The following COG4 variants were observed in gnomAD, a reference collection of about 807,000 sequenced individuals.
The protein encoded by COG4 is component of oligomeric golgi complex 4, also known as conserved oligomeric Golgi complex subunit 4.
COG4 carries 65 observed loss-of-function variants against 95.1 expected under a neutral mutation model. The observed-to-expected ratio is 0.68, with a 90% CI of 0.56 to 0.84. The LOEUF (loss-of-function observed/expected upper bound fraction) is 0.84. Among genes scored for constraint, COG4 ranks in the 40% least tolerant of loss-of-function variants. The pLI is 0.00. For synonymous variants in COG4, 421 were observed against 374.8 expected (o/e 1.12, Z -1.42); for missense variants, 1,045 against 989.1 (o/e 1.06, Z -0.76).
chr16:70,503,509 T>C (rs1369202785), intron 8 of COG4, among the ~76,000 whole-genome samples: 1 of 152,216 alleles, frequency 6.6e-6, no homozygotes, highest in Admixed American at 6.5e-5. Flanking sequence ...ACTGGCCTTC[T>C]TTCAGTTTTT....
rs1335075589 is a variant in COG4, at chr16:70,481,361, G to A, written c.2233C>T (p.Arg745Trp). ...TGGGCCAAGGGTGCCCCACCTACCC[G>A]CTCCAGATTGAGGATGGTGGCCATC... ...SQMATILNLE[R>W]VTEILDYWGP... Residue 745 changes from arginine (R) to tryptophan (W), a missense_variant and splice_region_variant, in exon 18 of 19, where the codon CGG becomes TGG. Transcript: ENST00000323786. The A allele has an allele frequency of 5.0e-6, 8 of 1,612,576 alleles. No homozygotes were observed. The highest frequency in any genetic ancestry group is 4.5e-5 in the East Asian group (2 of 44,862).
At position 70,481,448 on chromosome 16, in the gene COG4, T is replaced by C. The variant is rs886052257; in HGVS notation, c.2146A>G (p.Ile716Val). 7 of 1,613,036 alleles carry C rather than the reference T, an allele frequency of 4.3e-6. No homozygotes were observed. Among genetic ancestry groups the C allele is most frequent in the Non-Finnish European group, 5.9e-6 (7 of 1,179,958 alleles). ...GTGGTCACCGTGGTAAGGTAGGCAATGAGCGACCTCAGCTCCTTGTCAAAC... is the reference window on the plus strand; with the variant it reads ...GTGGTCACCGTGGTAAGGTAGGCAACGAGCGACCTCAGCTCCTTGTCAAAC... ...LQFDKELRSLIAYLTTVTTWT... is the reference protein window; with the variant it reads ...LQFDKELRSLVAYLTTVTTWT... Residue 716 changes from isoleucine (I) to valine (V), a missense_variant, in exon 18 of 19, where the codon ATT (isoleucine) becomes GTT (valine). By Grantham distance (29) the Ile-to-Val change is conservative. Coordinates refer to ENST00000323786, the MANE Select transcript of COG4 (RefSeq NM_015386.3).
At chr16:70,507,823 C>T (rs946368188) in intron 8 of COG4, among the ~76,000 whole-genome samples, 1 of 150,204 alleles carries the variant, frequency 6.7e-6, no homozygotes, top group Non-Finnish European at 1.5e-5. Flanking sequence ...GATAATGCTA[C>T]TGCACTCCAG....
chr16:70,481,649 C>T, intron 17 of COG4, 115 bp downstream of exon 17: 2 of 1,342,642 alleles, frequency 1.5e-6, no homozygotes, highest in Non-Finnish European at 2.1e-6. Flanking sequence ...TGGACCCAGA[C>T]ATGCAGGGCC....
chr16:70,498,807 GATTA>G (rs1290306381), intron 9 of COG4, among the ~76,000 whole-genome samples: 2 of 152,210 alleles, frequency 1.3e-5, no homozygotes, highest in South Asian at 2.1e-4. Context: ...ATTCCCTTAG[GATTA>G]ATTAATAGGA....
chr16:70,489,353 G>C (rs1449902680), intron 13 of COG4, among the ~76,000 whole-genome samples: 1 of 151,524 alleles, frequency 6.6e-6, no homozygotes, highest in Non-Finnish European at 1.5e-5. Context: ...GAGTAGCTGG[G>C]ATTACAGGCG....
At chr16:70,511,056 C>A (rs909134116) in intron 5 of COG4, among the ~76,000 whole-genome samples, 20 of 152,150 alleles carry the variant, frequency 1.3e-4, no homozygotes, top group Admixed American at 1.3e-3. Flanking sequence ...TGAGTCACCG[C>A]GCCTGGCCTG....
intron 5 of COG4, 24 bp from the exon 6 acceptor site, chr16:70,510,045 A>G: frequency 6.3e-7 from 1 of 1,587,284 alleles, no homozygotes. Flanking sequence ...AAACCCACAC[A>G]CATTCCTCAG....
At chr16:70,520,556 C>T (rs1241476963) in intron 1 of COG4, among the ~76,000 whole-genome samples, 10 of 151,270 alleles carry the variant, frequency 6.6e-5, no homozygotes, top group South Asian at 2.1e-4. Context: ...CACTTGAACC[C>T]GGGAAGTGGA....
At chr16:70,509,545 T>C (rs1253852470) in intron 6 of COG4, among the ~76,000 whole-genome samples, 157 bp from the exon 7 acceptor site, 3 of 152,222 alleles carry the variant, frequency 2.0e-5, no homozygotes, top group African/African-American at 7.2e-5. Context: ...TAGGGGTTGC[T>C]AGGCAAATAT....
rs748655661 is a variant in COG4 at position 70,482,735 on chromosome 16, G to A, written c.1914C>T (p.Ile638=). ...INSFFSVSHN[I]EEEEFNDYEA... ...TGCCTGTGGCCAGGCTAACCTCCTCGATGTTGTGGGAGACGGAGAAAAAGC... is the reference window on the plus strand; with the variant it reads ...TGCCTGTGGCCAGGCTAACCTCCTCAATGTTGTGGGAGACGGAGAAAAAGC... The change falls in exon 15 of 19, where the codon ATC becomes ATT. Residue 638 remains isoleucine, a synonymous_variant. Coordinates refer to ENST00000323786, the MANE Select transcript of COG4 (RefSeq NM_015386.3). The A allele has an allele frequency of 3.9e-5, 63 of 1,613,464 alleles. No homozygotes were observed. The highest frequency in any genetic ancestry group is 6.7e-5 in the Admixed American group (4 of 59,978).
At chr16:70,520,662 A>G (rs987850205) in intron 1 of COG4, among the ~76,000 whole-genome samples, 1 of 151,942 alleles carries the variant, frequency 6.6e-6, no homozygotes, top group African/African-American at 2.4e-5. Context: ...TACAATGCCT[A>G]AACAAAAAAC....
At chr16:70,494,428 G>C (rs934578289) in intron 12 of COG4, among the ~76,000 whole-genome samples, 1 of 152,176 alleles carries the variant, frequency 6.6e-6, no homozygotes, top group African/African-American at 2.4e-5. Flanking sequence ...AATAGGCCCT[G>C]CAATGGGAGT....
intron 8 of COG4, among the ~76,000 whole-genome samples, chr16:70,506,991 A>G (rs982054810): frequency 1.3e-5 from 2 of 151,964 alleles, no homozygotes; most frequent in African/African-American, 4.8e-5. Context: ...GGGAGGTGAG[A>G]GGATCACTTG....
intron 13 of COG4, among the ~76,000 whole-genome samples, chr16:70,488,922 T>C (rs1377733059): frequency 3.9e-5 from 6 of 152,184 alleles, no homozygotes; most frequent in Non-Finnish European, 8.8e-5. Context: ...ACTAAGTGGT[T>C]CATATTACCA....
chr16:70,489,900 C>G (rs530563508), intron 13 of COG4, among the ~76,000 whole-genome samples: 1 of 152,314 alleles, frequency 6.6e-6, no homozygotes, highest in Non-Finnish European at 1.5e-5. Flanking sequence ...TCACTGCAAC[C>G]TCTGCCTCCC....
intron 8 of COG4, among the ~76,000 whole-genome samples, chr16:70,506,226 T>C (rs1236156701): frequency 6.6e-6 from 1 of 150,520 alleles, no homozygotes; most frequent in Non-Finnish European, 1.5e-5. Flanking sequence ...TAAAACCCTG[T>C]CTCTACTAAA....
chr16:70,500,385 T>C (rs572686164), intron 9 of COG4, among the ~76,000 whole-genome samples: 2,111 of 147,980 alleles, frequency 0.014, 16 homozygotes, highest in Middle Eastern at 0.073. Context: ...TTTTTTTTTT[T>C]TGAGACAGAG....
intron 8 of COG4, among the ~76,000 whole-genome samples, chr16:70,506,627 A>AAAAAAG (rs1405431900): frequency 7.3e-6 from 1 of 137,248 alleles, no homozygotes; most frequent in Non-Finnish European, 1.5e-5. Flanking sequence ...ACAAAAAAAA[A>AAAAAAG]AACATTTAGC....
Sources: gnomAD v4.1 joint callset for allele counts (sites outside exome capture counted in the v4.1 genomes callset) on GRCh38, gnomAD v4.1.1 for gene constraint, MANE v1.5 for transcripts, NCBI Gene and HGNC (gene_info 2026-07-23, HGNC 2026-07-21) for gene names.